ARHGEF33: variants seen among roughly 807,000 people sequenced by gnomAD.
The protein encoded by ARHGEF33 is Rho guanine nucleotide exchange factor 33.
In ARHGEF33, 72 loss-of-function variants were observed where a neutral mutation model predicts 101.9. The ratio of observed to expected loss-of-function variants is 0.71; its 90% CI spans 0.58 to 0.86. ARHGEF33 has a LOEUF of 0.86. Among genes scored for constraint, ARHGEF33 ranks in the 40% least tolerant of loss-of-function variants. ARHGEF33 has a pLI of 0.00. For synonymous variants in ARHGEF33, 499 were observed against 442.5 expected (o/e 1.13, Z -1.60); for missense variants, 1,169 against 1,111.3 (o/e 1.05, Z -0.74).
intron 4 of ARHGEF33, among the ~76,000 whole-genome samples, chr2:38,922,867 G>A (rs958414613): frequency 1.3e-5 from 2 of 152,154 alleles, no homozygotes; most frequent in Admixed American, 6.5e-5. Flanking sequence ...TATAGGTAAG[G>A]TTGTTGTGGG....
At chr2:38,973,684 C>G in intron 17 of ARHGEF33, 30 bp from the exon 18 acceptor site, 1 of 1,478,280 alleles carries the variant, frequency 6.8e-7, no homozygotes, top group Non-Finnish European at 9.0e-7. Flanking sequence ...CCAAATCAAC[C>G]TGTACTTTAT....
chr2:38,951,146 A>T, intron 11 of ARHGEF33, 25 bp downstream of exon 11: 1 of 1,548,450 alleles, frequency 6.5e-7, no homozygotes, highest in Non-Finnish European at 8.7e-7. Flanking sequence ...GCCCCTCTAT[A>T]CATTTTACTT....
At chr2:38,908,901 ACT>A (rs1366454890) in intron 2 of ARHGEF33, among the ~76,000 whole-genome samples, 2 of 152,212 alleles carry the variant, frequency 1.3e-5, no homozygotes, top group African/African-American at 2.4e-5. Flanking sequence ...TTCAGGCCAA[ACT>A]CTCTATATTT....
chr2:38,940,499 T>C (rs1023743942), intron 9 of ARHGEF33, among the ~76,000 whole-genome samples: 3 of 151,986 alleles, frequency 2.0e-5, no homozygotes, highest in Admixed American at 2.0e-4. Flanking sequence ...TGTACTCCCA[T>C]CATCCTGGGA....
chr2:38,930,935 A>G (rs780896133), intron 6 of ARHGEF33, among the ~76,000 whole-genome samples, 174 bp from the exon 7 acceptor site: 110 of 152,362 alleles, frequency 7.2e-4, no homozygotes, highest in Non-Finnish European at 1.3e-3. Context: ...TAATGAATTA[A>G]GTTGAACCAT....
chr2:38,900,716 G>A (rs949539551), intron 2 of ARHGEF33, among the ~76,000 whole-genome samples: 13 of 152,146 alleles, frequency 8.5e-5, no homozygotes, highest in African/African-American at 2.7e-4. Context: ...CAGAGCCGAC[G>A]AGGTGGAGTT....
At chr2:38,891,211 G>C (rs188682749) in intron 1 of ARHGEF33, among the ~76,000 whole-genome samples, 1 of 152,046 alleles carries the variant, frequency 6.6e-6, no homozygotes, top group Non-Finnish European at 1.5e-5. Context: ...TGGGATTACA[G>C]GTGTGAGCCA....
Position 38,960,409 on chromosome 2 carries a change from G to A in ARHGEF33, c.2104G>A (p.Ala702Thr), listed in dbSNP as rs1174879773. 5.3e-6 allele frequency: 8 copies of A among 1,513,300 alleles called. No homozygotes were observed. In the African/African-American group the frequency reaches 7.0e-5, roughly 13 times the overall value. The allele number at this position is 1,513,300 out of a possible 1,614,324, so 93.7% of individuals were successfully genotyped here. A position where few individuals can be genotyped will look rare whatever the true frequency, so the allele number is the denominator to read the frequency against. ...LEAAAQAHGK[A>T]KPLSRSLKEF... is the part of the protein sequence containing the mutation. Reference sequence around the variant, plus strand: ...GGCGGCGGCGCAGGCGCACGGCAAGGCCAAGCCGCTGAGCCGCTCTCTCAA... The same window carrying A: ...GGCGGCGGCGCAGGCGCACGGCAAGACCAAGCCGCTGAGCCGCTCTCTCAA... Residue 702 changes from alanine (A) to threonine (T), a missense_variant, in exon 16 of 18, where the codon GCC (alanine) becomes ACC (threonine). Coordinates refer to ENST00000409978, the MANE Select transcript of ARHGEF33 (RefSeq NM_001145451.5).
At chr2:38,944,986 T>C (rs1348137566) in intron 10 of ARHGEF33, among the ~76,000 whole-genome samples, 1 of 152,024 alleles carries the variant, frequency 6.6e-6, no homozygotes, top group African/African-American at 2.4e-5. Context: ...ATAGTCTAGA[T>C]TTTTTTCTGT....
chr2:38,921,865 G>T (rs1321247793), intron 4 of ARHGEF33, among the ~76,000 whole-genome samples: 2 of 152,204 alleles, frequency 1.3e-5, no homozygotes, highest in Non-Finnish European at 1.5e-5. Flanking sequence ...TCAGAGAGGA[G>T]AGGGCAAAAT....
intron 16 of ARHGEF33, among the ~76,000 whole-genome samples, chr2:38,961,246 T>G (rs1015150937): frequency 1.1e-4 from 17 of 152,312 alleles, no homozygotes; most frequent in Middle Eastern, 3.4e-3. Context: ...TGCTTTTCTT[T>G]TGACTGGAAA....
chr2:38,950,871 G>A (rs1667582674), intron 10 of ARHGEF33, 118 bp from the exon 11 acceptor site: 2 of 915,996 alleles, frequency 2.2e-6, no homozygotes, highest in African/African-American at 1.7e-5. Flanking sequence ...CTTAATGCAG[G>A]CCTGTGACTC....
At chr2:38,959,787 C>G in intron 15 of ARHGEF33, 54 bp from the exon 16 acceptor site, 1 of 1,472,708 alleles carries the variant, frequency 6.8e-7, no homozygotes, top group South Asian at 1.4e-5. Context: ...GGCGAGAGGC[C>G]TGCACTAACC....
intron 4 of ARHGEF33, among the ~76,000 whole-genome samples, chr2:38,926,126 C>T (rs1402113317): frequency 6.6e-6 from 1 of 152,134 alleles, no homozygotes; most frequent in African/African-American, 2.4e-5. Context: ...CCGTAGGCTT[C>T]GAAGTACAAG....
intron 4 of ARHGEF33, chr2:38,928,653 G>A: frequency 3.7e-6 from 1 of 266,736 alleles, no homozygotes; most frequent in Non-Finnish European, 7.0e-6. Context: ...AGAAGCACTT[G>A]TAAACTTAAT....
Position 38,941,846 on chromosome 2 carries a change from G to A in ARHGEF33, c.791-2055G>A, listed in dbSNP as rs144741628. On this transcript the variant is annotated intron_variant, in intron 9 of 17. Transcript: ENST00000409978. ...AGGTGTGAGCCACTGTGCCCAGCCC[G>A]TTACCTGATTTTTCTATCTGGTAAC... Among the ~76,000 whole-genome samples the A allele has an allele frequency of 2.5e-3, 385 of 151,490 alleles. 3 individuals are homozygous for A. Among genetic ancestry groups the A allele is most frequent in the Middle Eastern group, 0.01 (3 of 292 alleles).
chr2:38,931,415 C>T (rs769566113), intron 7 of ARHGEF33, 164 bp downstream of exon 7: 1 of 579,686 alleles, frequency 1.7e-6, no homozygotes. Context: ...ATCTAAGAGA[C>T]CACAAGAGTG....
At chr2:38,929,652 T>C (rs758958918) in intron 5 of ARHGEF33, 57 bp from the exon 6 acceptor site, 1 of 1,430,648 alleles carries the variant, frequency 7.0e-7, no homozygotes, top group Non-Finnish European at 9.5e-7. Flanking sequence ...TGCTAGATTA[T>C]GTTATATACT....
chr2:38,929,613 C>T (rs923960533), intron 5 of ARHGEF33, 96 bp from the exon 6 acceptor site: 2 of 958,266 alleles, frequency 2.1e-6, no homozygotes, highest in Admixed American at 3.7e-5. Context: ...TTCATTCATT[C>T]AATAAATATG....
Sources: gnomAD v4.1 joint callset for allele counts (sites outside exome capture counted in the v4.1 genomes callset) on GRCh38, gnomAD v4.1.1 for gene constraint, MANE v1.5 for transcripts, NCBI Gene and HGNC (gene_info 2026-07-23, HGNC 2026-07-21) for gene names.